Variants in LILRB2 observed in about 807,000 individuals in gnomAD.
The protein encoded by LILRB2 is leukocyte immunoglobulin like receptor B2, also known as leukocyte immunoglobulin-like receptor subfamily B member 2.
A neutral mutation model predicts 72.7 loss-of-function variants in LILRB2; 47 were observed. The ratio of observed to expected loss-of-function variants is 0.65; its 90% confidence interval spans 0.51 to 0.82. The LOEUF (loss-of-function observed/expected upper bound fraction) is 0.82, where lower values mean the gene tolerates loss of function less well. Ranked by LOEUF, LILRB2 falls within the 40% of genes least tolerant of loss-of-function variation. The pLI, the probability that LILRB2 is intolerant of heterozygous loss-of-function variation, is 0.00. For synonymous variants in LILRB2, 279 were observed against 313.7 expected (o/e 0.89, Z 1.17); for missense variants, 767 against 764.8 (o/e 1.00, Z -0.03).
rs1359815365 is a variant in LILRB2, at chr19:54,277,734, C to G, written c.1310-137G>C. 4 of 1,324,138 alleles carry G rather than the reference C, an allele frequency of 3.0e-6. No homozygotes were observed. In the African/African-American group the frequency reaches 5.9e-5, roughly 20 times the overall value. 82.0% of individuals were successfully genotyped at this position (1,324,138 alleles called of 1,614,324 possible). On this transcript the variant is annotated intron_variant, in intron 8 of 13. Transcript: ENST00000314446. ...ACCCCTCACCAGCCCAGCCTCAGAG[C>G]CCTGGGGACCCTGTGGCCCCTCCTC...
At chr19:54,274,901 G>C in intron 13 of LILRB2, 72 bp from the exon 14 acceptor site, 3 of 1,610,752 alleles carry the variant, frequency 1.9e-6, no homozygotes, top group Non-Finnish European at 1.7e-6. Flanking sequence ...GGAGAGGAAA[G>C]GACTCTCTCA....
chr19:54,276,111 G>A (rs1210447031), intron 12 of LILRB2, 108 bp from the exon 13 acceptor site: 1 of 1,552,162 alleles, frequency 6.4e-7, no homozygotes, highest in Non-Finnish European at 8.8e-7. Context: ...ATGCAGGGAG[G>A]GGCTGCAATG....
rs117754512 is a variant in LILRB2, at chr19:54,274,102, C to T, written c.*581G>A. On this transcript the variant is annotated 3_prime_UTR_variant, in exon 14 of 14. Coordinates refer to ENST00000314446, the MANE Select transcript of LILRB2 (RefSeq NM_001080978.4). ...GCTGGCTCACTCCCATATGGAAATG[C>T]GTGCCTGCTCTTTCTTTCTCTTGCT... The T allele has an allele frequency of 1.5e-3, 236 of 153,472 alleles. 2 individuals carry two copies. The highest frequency in any genetic ancestry group is 0.015 in the South Asian group (74 of 4,886). The allele number at this position is 153,472 out of a possible 1,614,324, so 9.5% of individuals were successfully genotyped here. A position where few individuals can be genotyped will look rare whatever the true frequency, so the allele number is the denominator to read the frequency against.
At position 54,276,684 on chromosome 19, in the gene LILRB2, C is replaced by T. The variant is rs7245987; in HGVS notation, c.1480+123G>A. 3,340 of 1,516,506 alleles carry T rather than the reference C, an allele frequency of 2.2e-3. 63 individuals are homozygous for T. In the African/African-American group the frequency reaches 0.04, roughly 18 times the overall value. The allele number at this position is 1,516,506 out of a possible 1,614,324, so 93.9% of individuals were successfully genotyped here. On this transcript the variant is annotated intron_variant, in intron 10 of 13. Coordinates refer to ENST00000314446, the MANE Select transcript of LILRB2 (RefSeq NM_001080978.4). ...ACTGACGTTAAGTGCTTTCTCCATT[C>T]ACCTGGTGAGAAATGCTGGAACAGT... is the stretch of plus-strand genomic sequence containing the variant.
Position 54,278,996 on chromosome 19 carries a change from G to A in LILRB2, c.771C>T (p.Tyr257=), listed in dbSNP as rs532226911. ...SDVGYDRFVL[Y]KEGERDLRQL... Reference sequence around the variant, plus strand: ...GGCGAAGGTCACGTTCCCCCTCCTTGTACAGAACAAATCTGTCATAGCCGA... The same window carrying A: ...GGCGAAGGTCACGTTCCCCCTCCTTATACAGAACAAATCTGTCATAGCCGA... Residue 257 remains tyrosine (Y), a synonymous_variant, in exon 6 of 14, where the codon TAC becomes TAT. Coordinates refer to ENST00000314446, the MANE Select transcript of LILRB2 (RefSeq NM_001080978.4). 110 of 1,614,104 alleles carry A rather than the reference G, an allele frequency of 6.8e-5. No individual in the cohort carries two copies. The highest frequency in any genetic ancestry group is 6.0e-4 in the African/African-American group (45 of 75,060).
At position 54,278,316 on chromosome 19, in the gene LILRB2, T is replaced by C. The variant is rs4993132; in HGVS notation, c.1202A>G (p.Asn401Ser). 1.7e-3 allele frequency: 2,371 copies of C among 1,359,180 alleles called. 11 individuals carry two copies. The highest frequency in any genetic ancestry group is 0.014 in the African/African-American group (814 of 57,544). 84.2% of individuals were successfully genotyped at this position (1,359,180 alleles called of 1,614,324 possible). A position where few individuals can be genotyped will look rare whatever the true frequency, so the allele number is the denominator to read the frequency against. Reference protein sequence around the residue: ...AGTYRCYGSLNSDPYLLSHPS... With the variant: ...AGTYRCYGSLSSDPYLLSHPS... ...GTGAGACAGCAGGTAGGGGTCGGAG[T>C]TGAGTGAGCCGTAGCACCTGTAGGT... is the stretch of plus-strand genomic sequence containing the variant. Residue 401 changes from asparagine to serine, a missense_variant, in exon 7 of 14, where the codon AAC (asparagine) becomes AGC (serine). Asn to Ser is a conservative substitution (Grantham distance 46). Transcript: ENST00000314446.
At position 54,279,706 on chromosome 19, in the gene LILRB2, G is replaced by A. The variant is rs1375498665; in HGVS notation, c.356-59C>T. 1.1e-5 allele frequency: 17 copies of A among 1,606,364 alleles called. No individual in the cohort carries two copies. In the Admixed American group the frequency reaches 2.8e-4, roughly 27 times the overall value. ...CTCCCACCTCCCACATCATCCCCAG[G>A]GCTGGGCTGTGAGAGGGAGACACCC... On this transcript the variant is annotated intron_variant, in intron 4 of 13. Transcript: ENST00000314446.
intron 1 of LILRB2, 123 bp from the exon 2 acceptor site, chr19:54,280,667 G>C: frequency 1.5e-6 from 2 of 1,341,392 alleles, no homozygotes; most frequent in South Asian, 1.3e-5. Context: ...AAGCGGAACT[G>C]CCCTCCCAGG....
At chr19:54,276,120 T>C in intron 12 of LILRB2, 117 bp from the exon 13 acceptor site, 1 of 1,551,214 alleles carries the variant, frequency 6.4e-7, no homozygotes, top group South Asian at 1.2e-5. Context: ...GGGGCTGCAA[T>C]GTCCCTGAGG....
In LILRB2 at chr19:54,280,017, A is replaced by G; in HGVS notation, c.129T>C (p.Ser43=). The stretch of plus-strand genomic sequence containing the variant: ...TCCCCTGACAACTGAGGGTGACGGG[A>G]CTCCCCTGGGTGATCACAGAGTCTG... ...AEPDSVITQG[S]PVTLSCQGSL... The change falls in exon 4 of 14, where the codon AGT becomes AGC. Residue 43 remains serine (S), a synonymous_variant. Transcript: ENST00000314446. The G allele has an allele frequency of 6.2e-7, 1 of 1,613,818 alleles. No individual in the cohort carries two copies. The highest frequency in any genetic ancestry group is 8.5e-7 in the Non-Finnish European group (1 of 1,179,924).
rs569818714 is a variant in LILRB2, at chr19:54,278,306, G to C, written c.1212C>G (p.Pro404=). ...GCTCACTGGGGTGAGACAGCAGGTAGGGGTCGGAGTTGAGTGAGCCGTAGC... is the reference window on the plus strand; with the variant it reads ...GCTCACTGGGGTGAGACAGCAGGTACGGGTCGGAGTTGAGTGAGCCGTAGC... ...YRCYGSLNSD[P]YLLSHPSEPL... Residue 404 remains proline, a synonymous_variant, in exon 7 of 14, where the codon CCC becomes CCG. Coordinates refer to ENST00000314446, the MANE Select transcript of LILRB2 (RefSeq NM_001080978.4). The C allele has an allele frequency of 8.1e-6, 13 of 1,614,230 alleles. No individual in the cohort carries two copies. The highest frequency in any genetic ancestry group is 5.3e-5 in the African/African-American group (4 of 75,070).
At chr19:54,280,440 T>G (rs2080497546) in intron 2 of LILRB2, 23 bp downstream of exon 2, 3 of 1,600,666 alleles carry the variant, frequency 1.9e-6, no homozygotes, top group Non-Finnish European at 2.6e-6. Context: ...GGTTAGAAGC[T>G]CCCCTCTCTC....
Position 54,279,554 on chromosome 19 carries a change from A to C in LILRB2, c.449T>G (p.Phe150Cys). ...TTCCTTACACAGAATGAAGCCGCCA[A>C]ATGCCACCTGTGACTCACACTGGAG... is the stretch of plus-strand genomic sequence containing the variant. ...VTLQCESQVA[F>C]GGFILCKEGE... The change falls in exon 5 of 14, where the codon TTT becomes TGT. Residue 150 changes from phenylalanine (F) to cysteine (C), a missense_variant. This residue lies in a region of LILRB2 where 599 missense variants were observed against 568.2 expected (regional missense o/e 1.05). Transcript: ENST00000314446. 2.5e-6 allele frequency: 4 copies of C among 1,613,790 alleles called. No individual in the cohort carries two copies. The highest frequency in any genetic ancestry group is 3.4e-6 in the Non-Finnish European group (4 of 1,179,894).
At position 54,274,638 on chromosome 19, in the gene LILRB2, C is replaced by A. The variant is rs1422736768; in HGVS notation, c.*45G>T. On this transcript the variant is annotated 3_prime_UTR_variant, in exon 14 of 14. Transcript: ENST00000314446. ...GGGCAGCTCCCGTGCCTTCAGCAGT[C>A]CTGAGTCTCCTTCTACTGAGTGTGG... 1 of 1,613,758 alleles carries A rather than the reference C, an allele frequency of 6.2e-7. No individual in the cohort carries two copies. The highest frequency in any genetic ancestry group is 1.7e-5 in the Admixed American group (1 of 60,012).
chr19:54,274,648 C>T lies in LILRB2; in HGVS notation c.*35G>A. 1 of 1,613,994 alleles carries T rather than the reference C, an allele frequency of 6.2e-7. No homozygotes were observed. Among genetic ancestry groups the T allele is most frequent in the Non-Finnish European group, 8.5e-7 (1 of 1,180,002 alleles). ...CGTGCCTTCAGCAGTCCTGAGTCTC[C>T]TTCTACTGAGTGTGGAGTCTGCGTA... On this transcript the variant is annotated 3_prime_UTR_variant, in exon 14 of 14. Coordinates refer to ENST00000314446, the MANE Select transcript of LILRB2 (RefSeq NM_001080978.4).
At chr19:54,277,312 C>T (rs191700283) in intron 9 of LILRB2, 9 of 1,335,674 alleles carry the variant, frequency 6.7e-6, no homozygotes, top group Admixed American at 6.3e-5. Context: ...CCCGCGGAAT[C>T]GAGTCTTGGA....
rs762998962 is a variant in LILRB2, at chr19:54,279,072, C to G, written c.695G>C (p.Gly232Ala). 4 of 1,614,144 alleles carry G rather than the reference C, an allele frequency of 2.5e-6. No homozygotes were observed. In the South Asian group the frequency reaches 3.3e-5, roughly 13 times the overall value. The change falls in exon 6 of 14, where the codon GGT becomes GCT. Residue 232 changes from glycine (G) to alanine (A), a missense_variant. Physicochemically the swap from Gly to Ala is moderately conservative, Grantham distance 60. Coordinates refer to ENST00000314446, the MANE Select transcript of LILRB2 (RefSeq NM_001080978.4). ...SKKPSLSVQP[G>A]PVMAPGESLT... ...GCTTTCCCCAGGGGCCATGACAGGA[C>G]CCGGCTGCACTGAGAGTGATGGCTT...
In LILRB2 at chr19:54,278,396, A is replaced by T; in HGVS notation, c.1122T>A (p.Tyr374Ter). ...APLRLRSIHE[Y>*]PKYQAEFPMS... ...TGGGGAATTCAGCCTGGTACTTAGGATATTCGTGTATTGATCTTAGACGGA... is the reference window on the plus strand; with the variant it reads ...TGGGGAATTCAGCCTGGTACTTAGGTTATTCGTGTATTGATCTTAGACGGA... The change falls in exon 7 of 14, where the codon TAT (tyrosine) becomes TAA (stop). Residue 374 changes from tyrosine to a stop codon, truncating the protein, a stop_gained. Coordinates refer to ENST00000314446, the MANE Select transcript of LILRB2 (RefSeq NM_001080978.4). LOFTEE classifies it high-confidence loss of function. The T allele has an allele frequency of 6.2e-7, 1 of 1,614,110 alleles. No individual in the cohort carries two copies. The highest frequency in any genetic ancestry group is 8.5e-7 in the Non-Finnish European group (1 of 1,180,002).
At chr19:54,276,992 G>C in intron 9 of LILRB2, 63 bp from the exon 10 acceptor site, 1 of 1,553,162 alleles carries the variant, frequency 6.4e-7, no homozygotes, top group Non-Finnish European at 8.7e-7. Context: ...ACTGTGTGCA[G>C]GTGACTGCTG....
Sources: allele counts gnomAD v4.1 joint callset, GRCh38; gene constraint gnomAD v4.1.1; regional missense constraint gnomAD v4.1.1; transcripts MANE v1.5; gene names NCBI Gene and HGNC (gene_info 2026-07-23, HGNC 2026-07-21).